The following PTPRM variants were observed in gnomAD, a reference collection of about 807,000 sequenced individuals.
PTPRM encodes protein tyrosine phosphatase receptor type M.
In PTPRM, 47 loss-of-function variants were observed where a neutral mutation model predicts 186.7. That is an observed-to-expected ratio of 0.25 (90% confidence interval 0.20 to 0.32). The LOEUF is 0.32. PTPRM is among the 10% of genes least tolerant of loss of function. The probability of loss-of-function intolerance (pLI) is 1.00; values close to 1 mark genes in which losing one functional copy is unlikely to be tolerated. For synonymous variants in PTPRM, 668 were observed against 674.9 expected, an observed-to-expected ratio of 0.99 and a Z score of 0.16; for missense variants, 1,494 against 1,865.0, an observed-to-expected ratio of 0.80 and a Z score of 3.66.
intron 13 of PTPRM, among the ~76,000 whole-genome samples, chr18:8,141,005 C>G (rs1023910344): frequency 6.6e-6 from 1 of 152,124 alleles, no homozygotes; most frequent in African/African-American, 2.4e-5. Context: ...AAAAATATCC[C>G]CTGTCCAAGG....
In PTPRM at chr18:7,686,558, A is replaced by G. The variant is rs1598372286; in HGVS notation, c.74-87591A>G. Reference sequence around the variant, plus strand: ...AGGGTCCATTTAGCATATCATGATGAAAACGGATTGCCAAAAAAAAAAAAC... The same window carrying G: ...AGGGTCCATTTAGCATATCATGATGGAAACGGATTGCCAAAAAAAAAAAAC... On this transcript the variant is annotated intron_variant, in intron 1 of 32. Transcript: ENST00000580170. 4.0e-5 allele frequency among the ~76,000 whole-genome samples: 6 copies of G among 149,066 alleles called. No individual in the cohort carries two copies. The South Asian group carries it at 1.3e-3, about 32-fold the overall frequency.
chr18:8,376,718 C>T, intron 26 of PTPRM, 121 bp downstream of exon 26: 2 of 1,238,114 alleles, frequency 1.6e-6, no homozygotes, highest in East Asian at 2.6e-5. Context: ...ATCTACCTGG[C>T]ATTCCCTGTT....
intron 11 of PTPRM, among the ~76,000 whole-genome samples, chr18:8,092,082 A>G (rs1192749415): frequency 6.6e-6 from 1 of 151,928 alleles, no homozygotes; most frequent in African/African-American, 2.4e-5. Flanking sequence ...ATCCGTATTC[A>G]TTGATGTTGA....
At chr18:7,889,231 G>A (rs954236807) in intron 3 of PTPRM, among the ~76,000 whole-genome samples, 6 of 151,466 alleles carry the variant, frequency 4.0e-5, no homozygotes, top group Non-Finnish European at 8.8e-5. Flanking sequence ...TTCAAAATTT[G>A]TTTATGCCTG....
intron 10 of PTPRM, 97 bp downstream of exon 10, chr18:8,085,969 A>G (rs2090411602): frequency 1.7e-6 from 2 of 1,177,916 alleles, no homozygotes; most frequent in South Asian, 1.3e-5. Flanking sequence ...CCACACTAAC[A>G]TTGTATCCAA....
intron 2 of PTPRM, among the ~76,000 whole-genome samples, chr18:7,825,409 A>T (rs2045431581): frequency 6.6e-6 from 1 of 152,194 alleles, no homozygotes; most frequent in South Asian, 2.1e-4. Flanking sequence ...AATCACTGAA[A>T]GGTAAGAGCA....
chr18:8,029,931 A>G (rs1285941163), intron 7 of PTPRM, among the ~76,000 whole-genome samples: 1 of 152,158 alleles, frequency 6.6e-6, no homozygotes, highest in Non-Finnish European at 1.5e-5. Flanking sequence ...CCTGTGATCC[A>G]GTTGCATTCC....
intron 4 of PTPRM, among the ~76,000 whole-genome samples, chr18:7,920,654 A>G (rs1390445788): frequency 6.6e-6 from 1 of 152,168 alleles, no homozygotes; most frequent in Non-Finnish European, 1.5e-5. Context: ...GTGTTAGAAT[A>G]TTCTGGATTT....
intron 1 of PTPRM, among the ~76,000 whole-genome samples, chr18:7,586,406 T>C (rs779117040): frequency 2.2e-4 from 33 of 152,278 alleles, no homozygotes; most frequent in Non-Finnish European, 3.1e-4. Context: ...ATCAGGTTGA[T>C]ATCTTTAGTT....
intron 1 of PTPRM, among the ~76,000 whole-genome samples, chr18:7,582,033 C>G (rs1428005254): frequency 6.6e-6 from 1 of 152,094 alleles, no homozygotes; most frequent in Non-Finnish European, 1.5e-5. Context: ...GTGTACAAAT[C>G]TTTTGGTTAA....
chr18:8,113,529 A>G lies in PTPRM; in HGVS notation c.1900A>G (p.Lys634Glu). The change falls in exon 12 of 33, where the codon AAA becomes GAA. Residue 634 changes from lysine (K) to glutamate (E), a missense_variant. Physicochemically the swap from Lys to Glu is moderately conservative, Grantham distance 56 (BLOSUM62 1). This residue lies in a region of PTPRM where 1,107 missense variants were observed against 1,350.2 expected (regional missense o/e 0.82). Transcript: ENST00000580170. ...VVEEERPRRT[K>E]KTTEILKCYP... ...TGAGGAAGAACGTCCTCGAAGAACT[A>G]AAAAGACGACAGAAATCTTAAAGTG... 1 of 1,613,712 alleles carries G rather than the reference A, an allele frequency of 6.2e-7. No individual in the cohort carries two copies. Among genetic ancestry groups the G allele is most frequent in the Non-Finnish European group, 8.5e-7 (1 of 1,179,614 alleles).
At chr18:7,895,257 C>T (rs981905440) in intron 3 of PTPRM, among the ~76,000 whole-genome samples, 1 of 152,122 alleles carries the variant, frequency 6.6e-6, no homozygotes, top group South Asian at 2.1e-4. Context: ...GATATGCTAG[C>T]CTCTTAAGAA....
intron 29 of PTPRM, among the ~76,000 whole-genome samples, chr18:8,382,736 T>C (rs964607718): frequency 3.2e-4 from 49 of 152,320 alleles, no homozygotes; most frequent in African/African-American, 1.1e-3. Context: ...CTGTTTTGAT[T>C]GGCCCACTGC....
chr18:7,929,398 C>A (rs944133177), intron 5 of PTPRM, among the ~76,000 whole-genome samples: 17 of 152,116 alleles, frequency 1.1e-4, no homozygotes, highest in African/African-American at 4.1e-4. Flanking sequence ...TCTGACCCCT[C>A]TTGTCTTCAG....
chr18:8,201,870 C>T (rs1188439867), intron 14 of PTPRM, among the ~76,000 whole-genome samples: 2 of 152,120 alleles, frequency 1.3e-5, no homozygotes, highest in East Asian at 1.9e-4. Context: ...GTGCACAGTC[C>T]GTCATTTCAT....
At chr18:8,132,703 A>G (rs1449361167) in intron 13 of PTPRM, among the ~76,000 whole-genome samples, 1 of 152,188 alleles carries the variant, frequency 6.6e-6, no homozygotes, top group African/African-American at 2.4e-5. Flanking sequence ...ATAACACTTT[A>G]TTCTTGACAG....
At chr18:7,714,600 A>G (rs2040283590) in intron 1 of PTPRM, among the ~76,000 whole-genome samples, 1 of 151,774 alleles carries the variant, frequency 6.6e-6, no homozygotes. Flanking sequence ...TGGACAGATC[A>G]ACAAAATAGA....
chr18:8,110,675 A>C (rs2091714264), intron 11 of PTPRM, among the ~76,000 whole-genome samples: 1 of 152,152 alleles, frequency 6.6e-6, no homozygotes. Flanking sequence ...GAAAGTAATT[A>C]ATGATTCAGA....
At chr18:8,054,880 A>C (rs1051894141) in intron 7 of PTPRM, among the ~76,000 whole-genome samples, 5 of 152,178 alleles carry the variant, frequency 3.3e-5, no homozygotes, top group African/African-American at 1.2e-4. Context: ...TGATCCTTGA[A>C]TGATAGTTTT....
Sources: allele counts gnomAD v4.1 joint callset (sites outside exome capture counted in the v4.1 genomes callset), GRCh38; gene constraint gnomAD v4.1.1; regional missense constraint gnomAD v4.1.1; transcripts MANE v1.5; gene names NCBI Gene and HGNC (gene_info 2026-07-23, HGNC 2026-07-21).